Variants in CUX1 observed in about 807,000 individuals in gnomAD.
The protein encoded by CUX1 is cut like homeobox 1, also known as protein CASP.
A neutral mutation model predicts 158.8 loss-of-function variants in CUX1; 31 were observed. The observed-to-expected ratio is 0.20, with a 90% confidence interval of 0.15 to 0.26. The LOEUF is 0.26. Ranked by LOEUF, CUX1 falls within the 10% of genes least tolerant of loss-of-function variation. CUX1 has a pLI of 1.00. For synonymous variants in CUX1, 879 were observed against 862.1 expected, an observed-to-expected ratio of 1.02 and a Z score of -0.34; for missense variants, 1,589 against 2,014.6, an observed-to-expected ratio of 0.79 and a Z score of 4.04.
chr7:101,883,190 G>A (rs774510563), intron 1 of CUX1, among the ~76,000 whole-genome samples: 2 of 152,174 alleles, frequency 1.3e-5, no homozygotes, highest in African/African-American at 2.4e-5. Flanking sequence ...TGGCACTCAT[G>A]TACCTTGATG....
chr7:102,149,676 G>T (rs1220269872), intron 8 of CUX1, among the ~76,000 whole-genome samples: 1 of 152,158 alleles, frequency 6.6e-6, no homozygotes, highest in African/African-American at 2.4e-5. Flanking sequence ...GCCCTGGCTC[G>T]CATGAGACTG....
chr7:102,270,524 TCTG>T (rs1554546028), intron 14 of CUX1, among the ~76,000 whole-genome samples: 2 of 152,178 alleles, frequency 1.3e-5, no homozygotes, highest in Non-Finnish European at 2.9e-5. Flanking sequence ...AGTCTCACCG[TCTG>T]CCAGCCTCTG....
chr7:101,914,837 A>G (rs564285630), intron 1 of CUX1, among the ~76,000 whole-genome samples: 1 of 152,194 alleles, frequency 6.6e-6, no homozygotes, highest in Admixed American at 6.5e-5. Context: ...ATTTCATCCC[A>G]TCCGGCATGG....
intron 1 of CUX1, among the ~76,000 whole-genome samples, chr7:101,867,208 C>T (rs1798022475): frequency 6.6e-6 from 1 of 152,170 alleles, no homozygotes; most frequent in Admixed American, 6.5e-5. Context: ...CAGAGCAAGA[C>T]TCTGTCTTGA....
chr7:102,214,690 C>A (rs1170316456), intron 20 of CUX1, among the ~76,000 whole-genome samples: 1 of 152,226 alleles, frequency 6.6e-6, no homozygotes, highest in Non-Finnish European at 1.5e-5. Context: ...AGGCCCCAGC[C>A]CCATGCGGAC....
chr7:102,021,106 AC>A (rs149861064), intron 2 of CUX1, among the ~76,000 whole-genome samples: 2,365 of 151,842 alleles, frequency 0.016, 48 homozygotes, highest in African/African-American at 0.052. Flanking sequence ...GCCCCTCACT[AC>A]CCCCACCCTG....
At chr7:101,963,668 T>C (rs1020203459) in intron 2 of CUX1, among the ~76,000 whole-genome samples, 2 of 152,166 alleles carry the variant, frequency 1.3e-5, no homozygotes, top group African/African-American at 4.8e-5. Context: ...ATATATATTT[T>C]AAGAGACCAG....
At chr7:102,117,753 A>G (rs560301912) in intron 8 of CUX1, among the ~76,000 whole-genome samples, 36 of 152,198 alleles carry the variant, frequency 2.4e-4, no homozygotes, top group Non-Finnish European at 4.4e-4. Context: ...AGATGAGTCA[A>G]GTCAGGTTTT....
intron 2 of CUX1, among the ~76,000 whole-genome samples, chr7:102,026,308 C>T (rs1423409806): frequency 1.3e-5 from 2 of 152,054 alleles, no homozygotes; most frequent in Non-Finnish European, 2.9e-5. Context: ...TGAACTGTGG[C>T]TAGGGTAACT....
At chr7:101,828,948 A>G (rs1288956242) in intron 1 of CUX1, among the ~76,000 whole-genome samples, 2 of 132,660 alleles carry the variant, frequency 1.5e-5, no homozygotes, top group Admixed American at 1.5e-4. Flanking sequence ...CCCCTTTGGG[A>G]TATGGAGGTT....
chr7:102,097,628 TG>T, intron 5 of CUX1, 127 bp downstream of exon 5: 1 of 997,546 alleles, frequency 1.0e-6, no homozygotes, highest in Non-Finnish European at 1.4e-6. Flanking sequence ...AAAGTCAGGG[TG>T]GGGCAGGAAT....
At chr7:102,013,798 T>A (rs1818299283) in intron 2 of CUX1, among the ~76,000 whole-genome samples, 1 of 152,118 alleles carries the variant, frequency 6.6e-6, no homozygotes, top group Non-Finnish European at 1.5e-5. Flanking sequence ...TCGACCTCTC[T>A]GGGCTAAGCC....
intron 1 of CUX1, among the ~76,000 whole-genome samples, chr7:101,902,471 G>A (rs1802260278): frequency 6.6e-6 from 1 of 152,210 alleles, no homozygotes. Context: ...AGCTGGAATG[G>A]AGGGAACAAA....
At position 102,256,119 on chromosome 7, in the gene CUX1, C is replaced by T. The variant is rs1193806435; in HGVS notation, c.*7077C>T. 6.1e-6 allele frequency: 6 copies of T among 985,408 alleles called. No homozygotes were observed. The highest frequency in any genetic ancestry group is 4.7e-5 in the South Asian group (1 of 21,282). 61.0% of individuals were successfully genotyped at this position (985,408 alleles called of 1,614,324 possible). On this transcript the variant is annotated 3_prime_UTR_variant, in exon 24 of 24. Coordinates refer to ENST00000292535, the MANE Select transcript of CUX1 (RefSeq NM_181552.4). ...ACCACTGTGCTGGGCGTGCAGGGCC[C>T]GCGGGCTCTGGCCGGAGCCGCTGGC...
At chr7:101,877,276 T>C (rs1292295436) in intron 1 of CUX1, among the ~76,000 whole-genome samples, 7 of 152,232 alleles carry the variant, frequency 4.6e-5, no homozygotes, top group Admixed American at 4.6e-4. Context: ...GATTTTTTGG[T>C]GTGTATCCTT....
chr7:101,992,655 G>T (rs1274141068), intron 2 of CUX1, among the ~76,000 whole-genome samples: 1 of 152,284 alleles, frequency 6.6e-6, no homozygotes, highest in East Asian at 1.9e-4. Context: ...AGTTTGGTTA[G>T]AGAAGCTCAG....
At position 102,034,630 on chromosome 7, in the gene CUX1, G is replaced by A. The variant is rs532643547; in HGVS notation, c.189+6485G>A. ...TAGCTGGACGTGGTGGCATATGCCC[G>A]TAATCCTAGCTACTCAGAAGGCTGA... On this transcript the variant is annotated intron_variant, in intron 3 of 23. Coordinates refer to ENST00000292535, the MANE Select transcript of CUX1 (RefSeq NM_181552.4). Among the ~76,000 whole-genome samples the A allele has an allele frequency of 2.0e-5, 3 of 151,812 alleles. No homozygotes were observed. The East Asian group carries it at 5.8e-4, about 29-fold the overall frequency.
In CUX1 at chr7:102,249,307, G is replaced by GC; in HGVS notation, c.*268dup. ...CCACCAACCCCGCGGCCCAGACCCA[G>GC]CCCGCGGCCTGGACCCCTGGACCGC... On this transcript the variant is annotated 3_prime_UTR_variant, in exon 24 of 24. Transcript: ENST00000292535. 2 of 1,031,158 alleles carry GC rather than the reference G, an allele frequency of 1.9e-6. No individual in the cohort carries two copies. Among genetic ancestry groups the GC allele is most frequent in the Non-Finnish European group, 2.3e-6 (2 of 859,014 alleles). The allele number at this position is 1,031,158 out of a possible 1,614,324, so 63.9% of individuals were successfully genotyped here. A position where few individuals can be genotyped will look rare whatever the true frequency, so the allele number is the denominator to read the frequency against.
chr7:102,211,824 G>A lies in CUX1; in HGVS notation c.3130+6654G>A, dbSNP rs959923460. ...AAAAACTCAACCTGATCTCGGCTGA[G>A]CTAAGATGCAAAGGGACTGGCTGTG... On this transcript the variant is annotated intron_variant, in intron 20 of 23. Transcript: ENST00000292535. Among the ~76,000 whole-genome samples the A allele has an allele frequency of 2.0e-5, 3 of 150,154 alleles. No individual in the cohort carries two copies. In the Admixed American group the frequency reaches 2.0e-4, roughly 10 times the overall value.
Sources: gnomAD v4.1 joint callset for allele counts (sites outside exome capture counted in the v4.1 genomes callset) on GRCh38, gnomAD v4.1.1 for gene constraint, MANE v1.5 for transcripts, NCBI Gene and HGNC (gene_info 2026-07-23, HGNC 2026-07-21) for gene names.